The following MAP4K5 variants were observed in gnomAD, a reference collection of about 807,000 sequenced individuals.
The protein encoded by MAP4K5 is MAPK/ERK kinase kinase kinase 5.
A neutral mutation model predicts 135.6 loss-of-function variants in MAP4K5; 82 were observed. The ratio of observed to expected loss-of-function variants is 0.60; its 90% CI spans 0.51 to 0.73. The LOEUF (loss-of-function observed/expected upper bound fraction) is 0.73, where lower values mean the gene tolerates loss of function less well. MAP4K5 is among the 30% of genes least tolerant of loss of function. The pLI is 0.00. For synonymous variants in MAP4K5, 347 were observed against 335.0 expected (o/e 1.04, Z -0.39); for missense variants, 907 against 1,010.9 (o/e 0.90, Z 1.39).
At chr14:50,503,325 T>G (rs564184948) in intron 3 of MAP4K5, among the ~76,000 whole-genome samples, 4 of 152,202 alleles carry the variant, frequency 2.6e-5, no homozygotes, top group African/African-American at 9.6e-5. Context: ...TGTTATTCTT[T>G]TTTGGGGGAC....
At chr14:50,545,833 G>C (rs924411919) in intron 1 of MAP4K5, among the ~76,000 whole-genome samples, 5 of 152,168 alleles carry the variant, frequency 3.3e-5, no homozygotes, top group East Asian at 3.9e-4. Context: ...ACGCCAGCTG[G>C]TTACATATTA....
chr14:50,450,752 C>A (rs1002742577), intron 14 of MAP4K5, among the ~76,000 whole-genome samples: 1 of 152,142 alleles, frequency 6.6e-6, no homozygotes, highest in Non-Finnish European at 1.5e-5. Flanking sequence ...TGAGGAAAGA[C>A]CTTGCTGAAT....
chr14:50,525,653 T>C (rs1250889197), intron 2 of MAP4K5, among the ~76,000 whole-genome samples: 1 of 152,020 alleles, frequency 6.6e-6, no homozygotes, highest in Admixed American at 6.6e-5. Flanking sequence ...CTGGGCAACA[T>C]GGCGAAACCC....
At chr14:50,548,851 C>T (rs542328479) in intron 1 of MAP4K5, among the ~76,000 whole-genome samples, 1 of 152,084 alleles carries the variant, frequency 6.6e-6, no homozygotes, top group Non-Finnish European at 1.5e-5. Context: ...ACTATACAGT[C>T]CTAGAGCAAC....
At chr14:50,423,856 C>G (rs985006778) in intron 31 of MAP4K5, among the ~76,000 whole-genome samples, 1 of 152,118 alleles carries the variant, frequency 6.6e-6, no homozygotes, top group African/African-American at 2.4e-5. Flanking sequence ...TGGGGGCAGG[C>G]CTTAACCAAC....
chr14:50,556,694 CCT>C (rs1360505715), intron 1 of MAP4K5, among the ~76,000 whole-genome samples: 2 of 152,160 alleles, frequency 1.3e-5, no homozygotes, highest in African/African-American at 4.8e-5. Flanking sequence ...CTACTTTCTG[CCT>C]CTTTAGATTT....
At chr14:50,468,888 G>T (rs1018843469) in intron 9 of MAP4K5, 106 bp from the exon 10 acceptor site, 21 of 943,450 alleles carry the variant, frequency 2.2e-5, no homozygotes, top group Non-Finnish European at 1.6e-6. Flanking sequence ...AAGCTGAGAG[G>T]TGTTTACTAG....
chr14:50,480,234 AT>A (rs1480379890), intron 6 of MAP4K5, among the ~76,000 whole-genome samples: 1 of 152,066 alleles, frequency 6.6e-6, no homozygotes, highest in African/African-American at 2.4e-5. Flanking sequence ...ACAGGCGGCA[AT>A]GTGAAATAAA....
Position 50,507,617 on chromosome 14 carries a change from T to C in MAP4K5, c.109-2760A>G, listed in dbSNP as rs140555514. 5.4e-3 allele frequency among the ~76,000 whole-genome samples: 829 copies of C among 152,344 alleles called. 13 individuals are homozygous for C. The highest frequency in any genetic ancestry group is 4.6e-3 in the Non-Finnish European group (311 of 68,040). On this transcript the variant is annotated intron_variant, in intron 2 of 32. Transcript: ENST00000682126. ...CATTTCGTTATGTACCCAGTAGTCA[T>C]TGAGGAGCAGGTTGTTCAGTTTCCA...
chr14:50,558,202 A>G (rs977746554), intron 1 of MAP4K5, among the ~76,000 whole-genome samples: 2 of 152,144 alleles, frequency 1.3e-5, no homozygotes, highest in Non-Finnish European at 2.9e-5. Context: ...CCGTCTCTAC[A>G]TACAAAAACA....
Position 50,443,957 on chromosome 14 carries a change from C to CT in MAP4K5, c.1418dup (p.Asp474GlyfsTer7). ...TACCTACAGGGAAGTCTCGTTTGTC[C>CT]TTTTTTCGTGGTAACTGTGGTGCTT... is the stretch of plus-strand genomic sequence containing the variant. On this transcript the variant is annotated frameshift_variant, in exon 19 of 33. Coordinates refer to ENST00000682126, the MANE Select transcript of MAP4K5 (RefSeq NM_006575.6). LOFTEE classifies it high-confidence loss of function. 6.2e-7 allele frequency: 1 copy of CT among 1,607,636 alleles called. No individual in the cohort carries two copies. The highest frequency in any genetic ancestry group is 8.5e-7 in the Non-Finnish European group (1 of 1,176,590).
At chr14:50,489,574 T>G (rs2037437310) in intron 3 of MAP4K5, among the ~76,000 whole-genome samples, 1 of 152,222 alleles carries the variant, frequency 6.6e-6, no homozygotes, top group Non-Finnish European at 1.5e-5. Flanking sequence ...ACTTTACAGT[T>G]TGTGTTAATG....
upstream of MAP4K5, among the ~76,000 whole-genome samples, chr14:50,534,692 A>G (rs2038471075): frequency 6.6e-6 from 1 of 152,268 alleles, no homozygotes; most frequent in African/African-American, 2.4e-5. Flanking sequence ...GTGGTTAAAA[A>G]GTCGAGACTC....
At chr14:50,506,370 T>G (rs1224624290) in intron 2 of MAP4K5, among the ~76,000 whole-genome samples, 1 of 152,182 alleles carries the variant, frequency 6.6e-6, no homozygotes, top group Non-Finnish European at 1.5e-5. Flanking sequence ...TGGTTTTTGT[T>G]GTTTTGAGAC....
At chr14:50,420,741 G>C (rs2035710592) in intron 32 of MAP4K5, among the ~76,000 whole-genome samples, 1 of 152,120 alleles carries the variant, frequency 6.6e-6, no homozygotes, top group Non-Finnish European at 1.5e-5. Flanking sequence ...AGAGCCAAGA[G>C]AATAAAATAG....
At chr14:50,476,578 C>T (rs1403260990) in intron 6 of MAP4K5, among the ~76,000 whole-genome samples, 1 of 152,080 alleles carries the variant, frequency 6.6e-6, no homozygotes. Flanking sequence ...CACTTGCCTC[C>T]GCCTCCCAAG....
chr14:50,434,254 T>G, intron 28 of MAP4K5, 140 bp downstream of exon 28: 1 of 628,948 alleles, frequency 1.6e-6, no homozygotes, highest in South Asian at 2.2e-5. Flanking sequence ...ACGTACACGG[T>G]TCTATGGGCT....
intron 9 of MAP4K5, 65 bp downstream of exon 9, chr14:50,475,012 C>G: frequency 7.8e-7 from 1 of 1,286,496 alleles, no homozygotes; most frequent in Admixed American, 1.7e-5. Context: ...TACCAAGTAT[C>G]GAGGTTGATC....
rs149532314 is a variant in MAP4K5 at position 50,475,914 on chromosome 14, G to A, written c.469+214C>T. On this transcript the variant is annotated intron_variant, in intron 8 of 32. Coordinates refer to ENST00000682126, the MANE Select transcript of MAP4K5 (RefSeq NM_006575.6). The stretch of plus-strand genomic sequence containing the variant: ...TACCACAAGTAATATTATGGTTAAT[G>A]CTTTAGTGAATATGGATTTTCCATC... 2.7e-3 allele frequency among the ~76,000 whole-genome samples: 404 copies of A among 152,170 alleles called. 1 individual carries two copies. The highest frequency in any genetic ancestry group is 9.2e-3 in the African/African-American group (380 of 41,502).
Sources: allele counts gnomAD v4.1 joint callset (sites outside exome capture counted in the v4.1 genomes callset), GRCh38; gene constraint gnomAD v4.1.1; transcripts MANE v1.5; gene names NCBI Gene and HGNC (gene_info 2026-07-23, HGNC 2026-07-21).